The following TMEM135 variants were observed in gnomAD, a reference collection of about 807,000 sequenced individuals.
TMEM135 encodes transmembrane protein 135.
Under a neutral mutation model 60.3 loss-of-function variants are expected in TMEM135, and 30 were observed. The observed-to-expected ratio is 0.50, with a 90% CI of 0.37 to 0.68. The LOEUF is 0.68. Ranked by LOEUF, TMEM135 falls within the 30% of genes least tolerant of loss-of-function variation. TMEM135 has a pLI of 0.00. For missense variants in TMEM135, 468 were observed against 548.8 expected, an observed-to-expected ratio of 0.85 and a Z score of 1.47; for synonymous variants, 190 against 186.7, an observed-to-expected ratio of 1.02 and a Z score of -0.14.
chr11:87,113,961 A>T (rs889502727), intron 4 of TMEM135, among the ~76,000 whole-genome samples: 2 of 152,018 alleles, frequency 1.3e-5, no homozygotes, highest in East Asian at 3.9e-4. Context: ...TATTATTGCT[A>T]TTGTCATTGT....
At chr11:87,274,786 C>CTGTGTGTGTG (rs10655114) in intron 6 of TMEM135, among the ~76,000 whole-genome samples, 2,924 of 129,234 alleles carry the variant, frequency 0.023, 51 homozygotes, top group Non-Finnish European at 0.028. Flanking sequence ...CATAGCAAGA[C>CTGTGTGTGTG]TGTGTGTGTG....
At chr11:87,178,499 C>T in intron 5 of TMEM135, 2 of 456,008 alleles carry the variant, frequency 4.4e-6, no homozygotes, top group South Asian at 3.1e-5. Context: ...GATTTCAGCT[C>T]CCTGCAGCCT....
chr11:87,271,608 T>G (rs1309482115), intron 6 of TMEM135, among the ~76,000 whole-genome samples: 1 of 152,124 alleles, frequency 6.6e-6, no homozygotes, highest in Non-Finnish European at 1.5e-5. Context: ...CATGATAATA[T>G]CTTGGATATA....
intron 9 of TMEM135, among the ~76,000 whole-genome samples, chr11:87,307,480 C>T (rs1198440161): frequency 1.3e-5 from 2 of 151,156 alleles, no homozygotes; most frequent in African/African-American, 4.9e-5. Context: ...CAAAGGAAAA[C>T]TTTAGATGGG....
intron 6 of TMEM135, among the ~76,000 whole-genome samples, chr11:87,238,935 G>A (rs1390122309): frequency 6.6e-6 from 1 of 151,982 alleles, no homozygotes; most frequent in African/African-American, 2.4e-5. Flanking sequence ...AAAGACATAT[G>A]TGATTAACGT....
intron 1 of TMEM135, among the ~76,000 whole-genome samples, chr11:87,062,011 CT>C (rs141554783): frequency 2.0e-5 from 3 of 151,344 alleles, no homozygotes; most frequent in Non-Finnish European, 4.4e-5. Context: ...CTTCTGGGTA[CT>C]TTTTTTTTCT....
intron 6 of TMEM135, among the ~76,000 whole-genome samples, chr11:87,256,158 C>G (rs1941524594): frequency 1.3e-5 from 2 of 152,138 alleles, no homozygotes; most frequent in Non-Finnish European, 2.9e-5. Flanking sequence ...TTTGAATTTA[C>G]TTTTAAACTA....
chr11:87,120,549 G>A (rs1231988313), intron 4 of TMEM135, among the ~76,000 whole-genome samples: 1 of 141,638 alleles, frequency 7.1e-6, no homozygotes, highest in East Asian at 2.1e-4. Context: ...TCGGCTCACT[G>A]CAACCTCCAC....
In TMEM135 at chr11:87,155,689, ATGGT is replaced by A. The variant is rs1425727676; in HGVS notation, c.397-1643_397-1640del. 2.6e-5 allele frequency among the ~76,000 whole-genome samples: 4 copies of A among 152,072 alleles called. No homozygotes were observed. In the East Asian group the frequency reaches 5.8e-4, roughly 22 times the overall value. On this transcript the variant is annotated intron_variant, in intron 4 of 14. Coordinates refer to ENST00000305494, the MANE Select transcript of TMEM135 (RefSeq NM_022918.4). Reference sequence around the variant, plus strand: ...TTTTGGAGTGTGCCAGAGTTTGGAGATGGTTGGTTGGTCCAAGAGTGCAGGGTGA... The same window carrying A: ...TTTTGGAGTGTGCCAGAGTTTGGAGATGGTTGGTCCAAGAGTGCAGGGTGA...
chr11:87,247,241 G>A (rs1042140762), intron 6 of TMEM135, among the ~76,000 whole-genome samples: 1 of 152,190 alleles, frequency 6.6e-6, no homozygotes, highest in Non-Finnish European at 1.5e-5. Flanking sequence ...ACCTGGCCGT[G>A]TGAGGTGTCG....
At chr11:87,205,076 T>C (rs1217039431) in intron 5 of TMEM135, among the ~76,000 whole-genome samples, 6 of 152,236 alleles carry the variant, frequency 3.9e-5, no homozygotes, top group Admixed American at 3.9e-4. Context: ...ATTGAAATCA[T>C]TTTTGCCATT....
At chr11:87,118,685 G>A (rs757030034) in intron 4 of TMEM135, among the ~76,000 whole-genome samples, 2 of 151,932 alleles carry the variant, frequency 1.3e-5, no homozygotes, top group South Asian at 2.1e-4. Context: ...CTCATGATCC[G>A]CCCATCGTGA....
intron 5 of TMEM135, among the ~76,000 whole-genome samples, chr11:87,216,736 G>A (rs1940512310): frequency 6.6e-6 from 1 of 152,088 alleles, no homozygotes; most frequent in Non-Finnish European, 1.5e-5. Flanking sequence ...GCACTTTAAG[G>A]TTTTATAAAA....
At position 87,040,397 on chromosome 11, in the gene TMEM135, G is replaced by T. The variant is rs11827294; in HGVS notation, c.141+2211G>T. On this transcript the variant is annotated intron_variant, in intron 1 of 14. Transcript: ENST00000305494. Reference sequence around the variant, plus strand: ...GATCAGGCCAGGTGCAGTGGCTCACGCCCATAATCCCAGCTCTTTGGGAGG... The same window carrying T: ...GATCAGGCCAGGTGCAGTGGCTCACTCCCATAATCCCAGCTCTTTGGGAGG... Among the ~76,000 whole-genome samples, 601 of 152,260 alleles carry T rather than the reference G, an allele frequency of 3.9e-3. 4 individuals carry two copies. The highest frequency in any genetic ancestry group is 0.012 in the African/African-American group (509 of 41,534).
intron 4 of TMEM135, among the ~76,000 whole-genome samples, chr11:87,126,496 A>G (rs1937733718): frequency 6.6e-6 from 1 of 151,874 alleles, no homozygotes; most frequent in Non-Finnish European, 1.5e-5. Context: ...CTAGCAAAAA[A>G]TTTAGTATAC....
At chr11:87,078,940 G>A (rs534981943) in intron 3 of TMEM135, among the ~76,000 whole-genome samples, 9 of 151,960 alleles carry the variant, frequency 5.9e-5, no homozygotes, top group Non-Finnish European at 1.3e-4. Flanking sequence ...TTTTGGTGTC[G>A]TATTTAAGAA....
intron 5 of TMEM135, among the ~76,000 whole-genome samples, chr11:87,189,478 T>C (rs1939745675): frequency 1.3e-5 from 2 of 152,088 alleles, no homozygotes; most frequent in Admixed American, 1.3e-4. Flanking sequence ...CATTTCTTAA[T>C]TGATAGAAGC....
intron 1 of TMEM135, among the ~76,000 whole-genome samples, chr11:87,059,988 C>T (rs1949931068): frequency 6.6e-6 from 1 of 152,132 alleles, no homozygotes; most frequent in Non-Finnish European, 1.5e-5. Flanking sequence ...GTGGCACATG[C>T]CTGTGGTCTC....
chr11:87,215,923 A>G (rs1274859676), intron 5 of TMEM135, among the ~76,000 whole-genome samples: 4 of 152,034 alleles, frequency 2.6e-5, no homozygotes, highest in African/African-American at 7.3e-5. Context: ...CCTCTTAACC[A>G]TAGTGTCAAT....
Sources: allele counts gnomAD v4.1 joint callset (sites outside exome capture counted in the v4.1 genomes callset), GRCh38; gene constraint gnomAD v4.1.1; transcripts MANE v1.5; gene names NCBI Gene and HGNC (gene_info 2026-07-23, HGNC 2026-07-21).